Variants in ADAMTSL3 observed in about 807,000 individuals in gnomAD.
ADAMTSL3 encodes ADAMTS like 3.
ADAMTSL3 carries 128 observed loss-of-function variants against 201.7 expected under a neutral mutation model. That is an observed-to-expected ratio of 0.63 (90% CI 0.55 to 0.73). The LOEUF is 0.73. Ranked by LOEUF, ADAMTSL3 falls within the 30% of genes least tolerant of loss-of-function variation. ADAMTSL3 has a pLI of 0.00. For synonymous variants in ADAMTSL3, 738 were observed against 748.4 expected, an observed-to-expected ratio of 0.99 and a Z score of 0.23; for missense variants, 1,990 against 2,119.6, an observed-to-expected ratio of 0.94 and a Z score of 1.20.
At chr15:83,871,433 C>T (rs985492814) in intron 9 of ADAMTSL3, among the ~76,000 whole-genome samples, 3 of 152,160 alleles carry the variant, frequency 2.0e-5, no homozygotes, top group Non-Finnish European at 2.9e-5. Flanking sequence ...AGTATTGTGC[C>T]GCTGCATGTC....
At chr15:84,026,059 A>G (rs949550340) in intron 27 of ADAMTSL3, among the ~76,000 whole-genome samples, 1 of 152,334 alleles carries the variant, frequency 6.6e-6, no homozygotes, top group African/African-American at 2.4e-5. Context: ...ATATGACAAT[A>G]AAGACATAAA....
intron 2 of ADAMTSL3, among the ~76,000 whole-genome samples, chr15:83,679,612 A>T (rs1489719992): frequency 2.6e-5 from 4 of 152,096 alleles, no homozygotes; most frequent in African/African-American, 9.7e-5. Flanking sequence ...GTGGTATTCC[A>T]CACAGTAGTT....
intron 23 of ADAMTSL3, among the ~76,000 whole-genome samples, chr15:83,993,800 G>T (rs949756602): frequency 3.3e-5 from 5 of 152,064 alleles, no homozygotes; most frequent in African/African-American, 1.2e-4. Flanking sequence ...AATTTAAAGC[G>T]CACCTTTTTT....
rs565206180 is a variant in ADAMTSL3, at chr15:83,775,079, T to C, written c.317+1429T>C. Among the ~76,000 whole-genome samples, 6 of 152,274 alleles carry C rather than the reference T, an allele frequency of 3.9e-5. No homozygotes were observed. The South Asian group carries it at 1.2e-3, about 32-fold the overall frequency. ...CCAGGCTGGTCTTGAACTCCTGACCTGAATGATCCATCTGCCTCGGCCTCC... is the reference window on the plus strand; with the variant it reads ...CCAGGCTGGTCTTGAACTCCTGACCCGAATGATCCATCTGCCTCGGCCTCC... On this transcript the variant is annotated intron_variant, in intron 4 of 29. Transcript: ENST00000286744.
chr15:83,933,807 A>G (rs892420745), intron 17 of ADAMTSL3, among the ~76,000 whole-genome samples: 1 of 152,238 alleles, frequency 6.6e-6, no homozygotes, highest in African/African-American at 2.4e-5. Flanking sequence ...AAATGAGCCA[A>G]CATACAGCTC....
chr15:83,690,550 A>G (rs569347628), intron 2 of ADAMTSL3, among the ~76,000 whole-genome samples: 3 of 152,176 alleles, frequency 2.0e-5, no homozygotes, highest in South Asian at 4.1e-4. Flanking sequence ...CTTTGTGGTC[A>G]TTGCCTCTGT....
At chr15:83,698,477 A>C (rs983975294) in intron 2 of ADAMTSL3, among the ~76,000 whole-genome samples, 9 of 152,112 alleles carry the variant, frequency 5.9e-5, no homozygotes, top group African/African-American at 9.7e-5. Flanking sequence ...GAGATGATGC[A>C]TTTTGGCAGC....
At chr15:83,887,179 A>G (rs1368882372) in intron 10 of ADAMTSL3, among the ~76,000 whole-genome samples, 1 of 152,160 alleles carries the variant, frequency 6.6e-6, no homozygotes, top group African/African-American at 2.4e-5. Context: ...TACACACTCC[A>G]CTTTGAGAAC....
chr15:83,889,687 A>G (rs1332431629), intron 10 of ADAMTSL3, among the ~76,000 whole-genome samples: 1 of 152,126 alleles, frequency 6.6e-6, no homozygotes. Flanking sequence ...CAATGAGGAG[A>G]AAAGACAATG....
intron 20 of ADAMTSL3, among the ~76,000 whole-genome samples, chr15:83,980,519 G>C (rs1476634463): frequency 6.6e-6 from 1 of 152,026 alleles, no homozygotes; most frequent in East Asian, 1.9e-4. Context: ...AATTTACATG[G>C]CTTAACTGGC....
chr15:83,778,461 A>G lies in ADAMTSL3; in HGVS notation c.317+4811A>G, dbSNP rs1680915238. Among the ~76,000 whole-genome samples the G allele has an allele frequency of 2.0e-5, 3 of 152,238 alleles. No individual in the cohort carries two copies. In the South Asian group the frequency reaches 6.2e-4, roughly 31 times the overall value. On this transcript the variant is annotated intron_variant, in intron 4 of 29. Transcript: ENST00000286744. ...TACAAGCAAGAAGAGATTCTGGGCC[A>G]GTATTCAACATTCTTAAAATAAATT... is the stretch of plus-strand genomic sequence containing the variant.
chr15:83,773,697 C>G (rs1395938548), intron 4 of ADAMTSL3, 47 bp downstream of exon 4: 5 of 1,581,894 alleles, frequency 3.2e-6, no homozygotes, highest in Non-Finnish European at 4.3e-6. Flanking sequence ...GTGCCAGTGC[C>G]TCTGGATGGG....
intron 3 of ADAMTSL3, among the ~76,000 whole-genome samples, chr15:83,725,059 T>C (rs2062153312): frequency 6.6e-6 from 1 of 152,168 alleles, no homozygotes; most frequent in Admixed American, 6.6e-5. Flanking sequence ...TCCTTTCTTT[T>C]GGGTATATAC....
chr15:83,909,931 T>TG (rs147083201), intron 15 of ADAMTSL3, among the ~76,000 whole-genome samples: 15,529 of 152,110 alleles, frequency 0.1, 1,045 homozygotes, highest in East Asian at 0.35. Flanking sequence ...TTTTGACAGA[T>TG]GTATGTACCC....
intron 8 of ADAMTSL3, among the ~76,000 whole-genome samples, chr15:83,859,537 C>T (rs540820576): frequency 2.0e-5 from 3 of 152,176 alleles, no homozygotes; most frequent in Non-Finnish European, 4.4e-5. Flanking sequence ...ACCATACATC[C>T]TGTGACTCTA....
At chr15:83,902,560 G>A (rs969400254) in intron 15 of ADAMTSL3, among the ~76,000 whole-genome samples, 4 of 152,136 alleles carry the variant, frequency 2.6e-5, no homozygotes, top group Admixed American at 2.0e-4. Flanking sequence ...GTGAGCCACC[G>A]CACCTGGCCA....
At chr15:83,700,759 G>A (rs1226479997) in intron 2 of ADAMTSL3, among the ~76,000 whole-genome samples, 11 of 152,174 alleles carry the variant, frequency 7.2e-5, no homozygotes, top group East Asian at 3.9e-4. Context: ...GCAAGACTCC[G>A]TCTAAAAAAA....
At chr15:83,972,332 G>T (rs907736918) in intron 20 of ADAMTSL3, among the ~76,000 whole-genome samples, 9 of 152,186 alleles carry the variant, frequency 5.9e-5, no homozygotes, top group African/African-American at 1.9e-4. Flanking sequence ...ATTCCAAGTT[G>T]TAAAGTCTCC....
At chr15:83,953,372 T>G (rs758637411) in intron 19 of ADAMTSL3, among the ~76,000 whole-genome samples, 29 of 151,378 alleles carry the variant, frequency 1.9e-4, no homozygotes, top group Non-Finnish European at 3.0e-4. Context: ...ATTAAACTGA[T>G]GACAACTTAA....
Sources: gnomAD v4.1 joint callset for allele counts (sites outside exome capture counted in the v4.1 genomes callset) on GRCh38, gnomAD v4.1.1 for gene constraint, MANE v1.5 for transcripts, NCBI Gene and HGNC (gene_info 2026-07-23, HGNC 2026-07-21) for gene names.